The following RSPH3 variants were observed in gnomAD, a reference collection of about 807,000 sequenced individuals.
RSPH3 encodes radial spoke head protein 3 homolog.
RSPH3 carries 21 observed loss-of-function variants against 43.8 expected under a neutral mutation model. The observed-to-expected ratio is 0.48, with a 90% CI of 0.34 to 0.69. The LOEUF (loss-of-function observed/expected upper bound fraction) is 0.69, where lower values mean the gene tolerates loss of function less well. Among genes scored for constraint, RSPH3 ranks in the 30% least tolerant of loss-of-function variants. The probability of loss-of-function intolerance (pLI) is 0.01; values close to 1 mark genes in which losing one functional copy is unlikely to be tolerated. For synonymous variants in RSPH3, 173 were observed against 179.8 expected (o/e 0.96, Z 0.30); for missense variants, 487 against 516.0 (o/e 0.94, Z 0.54).
intron 2 of RSPH3, among the ~76,000 whole-genome samples, 183 bp downstream of exon 2, chr6:158,993,655 GC>G (rs928789342): frequency 6.6e-6 from 1 of 151,834 alleles, no homozygotes; most frequent in African/African-American, 2.4e-5. Flanking sequence ...TCATCCCCCA[GC>G]TCCTGGAAAC....
chr6:158,998,081 G>A (rs545938884), intron 1 of RSPH3, among the ~76,000 whole-genome samples: 1 of 151,984 alleles, frequency 6.6e-6, no homozygotes, highest in Admixed American at 6.5e-5. Flanking sequence ...TTCCTATAAA[G>A]TTCTGCTGAA....
At chr6:158,967,080 C>T in the RSPH3 span, among the ~76,000 whole-genome samples, 2 of 151,734 alleles carry the variant, frequency 1.3e-5, no homozygotes, top group African/African-American at 4.8e-5. Context: ...TATGATCATG[C>T]ATCACTGTAG....
At chr6:158,965,960 A>C in the RSPH3 span, among the ~76,000 whole-genome samples, 1 of 152,148 alleles carries the variant, frequency 6.6e-6, no homozygotes. Flanking sequence ...TTTTAATATG[A>C]AAGTGTGTTG....
At chr6:158,988,468 C>A (rs1466134447) in intron 2 of RSPH3, among the ~76,000 whole-genome samples, 2 of 152,202 alleles carry the variant, frequency 1.3e-5, no homozygotes, top group Non-Finnish European at 2.9e-5. Context: ...TTAAAACAAG[C>A]TTCCCACTCC....
chr6:158,992,151 A>G (rs1778431981), intron 2 of RSPH3, among the ~76,000 whole-genome samples: 3 of 147,572 alleles, frequency 2.0e-5, no homozygotes. Context: ...CATTCTCTCT[A>G]ACGTGGATTT....
the RSPH3 span, among the ~76,000 whole-genome samples, chr6:158,963,333 TTCCTTC>T: frequency 2.2e-3 from 318 of 145,812 alleles, 4 homozygotes; most frequent in Middle Eastern, 7.0e-3. Context: ...CTTTCCTTCC[TTCCTTC>T]TCCTTCCTTC....
rs995479707 is a variant in RSPH3 at position 158,976,491 on chromosome 6, T to C, written c.*1047A>G. 10 of 152,176 alleles carry C rather than the reference T, an allele frequency of 6.6e-5. No individual in the cohort carries two copies. The highest frequency in any genetic ancestry group is 1.5e-4 in the Non-Finnish European group (10 of 68,036). 9.4% of individuals were successfully genotyped at this position (152,176 alleles called of 1,614,324 possible). A position where few individuals can be genotyped will look rare whatever the true frequency, so the allele number is the denominator to read the frequency against. On this transcript the variant is annotated 3_prime_UTR_variant, in exon 8 of 8. Coordinates refer to ENST00000367069, the MANE Select transcript of RSPH3 (RefSeq NM_031924.8). Reference sequence around the variant, plus strand: ...AAATAAAATATGTAAATAATGTTTATATTTATATAAAGAAAATCAAGCTAT... The same window carrying C: ...AAATAAAATATGTAAATAATGTTTACATTTATATAAAGAAAATCAAGCTAT...
At position 158,979,508 on chromosome 6, in the gene RSPH3, T is replaced by C. The variant is rs115502009; in HGVS notation, c.860-1162A>G. Among the ~76,000 whole-genome samples the C allele has an allele frequency of 7.4e-3, 1,134 of 152,256 alleles. 20 individuals are homozygous for C. Among genetic ancestry groups the C allele is most frequent in the African/African-American group, 0.026 (1,067 of 41,546 alleles). On this transcript the variant is annotated intron_variant, in intron 6 of 7. Transcript: ENST00000367069. ...TCAGTTTGAGGCCTAATATTTCCAC[T>C]GCCTGAGGATTTGGGAGCAAGGCAT...
Position 158,999,945 on chromosome 6 carries a change from A to G in RSPH3, c.-395T>C. The G allele has an allele frequency of 6.2e-7, 1 of 1,607,546 alleles. No homozygotes were observed. Among genetic ancestry groups the G allele is most frequent in the Non-Finnish European group, 8.5e-7 (1 of 1,176,750 alleles). On this transcript the variant is annotated 5_prime_UTR_variant, in exon 1 of 8. Transcript: ENST00000367069. ...CCTGCGCTTTGCGAGGTTCCTGGCT[A>G]GGGAGGCGGCCTTGGCTGGCTTGAC...
intron 1 of RSPH3, among the ~76,000 whole-genome samples, chr6:158,998,840 A>ATT (rs1778728238): frequency 6.6e-6 from 1 of 152,126 alleles, no homozygotes. Context: ...ATTGCAGTCC[A>ATT]GCCTGGGCGA....
intron 3 of RSPH3, 113 bp downstream of exon 3, chr6:158,986,167 A>G: frequency 1.0e-6 from 1 of 967,198 alleles, no homozygotes; most frequent in Non-Finnish European, 1.6e-6. Context: ...TGATCGGGGA[A>G]GTATCAGAGA....
chr6:158,999,906 C>G lies in RSPH3; in HGVS notation c.-356G>C, dbSNP rs143832203. On this transcript the variant is annotated 5_prime_UTR_variant, in exon 1 of 8. Coordinates refer to ENST00000367069, the MANE Select transcript of RSPH3 (RefSeq NM_031924.8). ...CTCTTGACTCCGCCCAGCCGCGCCA[C>G]CCAGGTAGGTGCGCCTGCGCTTTGC... is the stretch of plus-strand genomic sequence containing the variant. 1.4e-5 allele frequency: 23 copies of G among 1,612,882 alleles called. No individual in the cohort carries two copies. Among genetic ancestry groups the G allele is most frequent in the Non-Finnish European group, 1.9e-5 (23 of 1,179,702 alleles).
At chr6:158,967,378 T>C in the RSPH3 span, among the ~76,000 whole-genome samples, 1 of 152,230 alleles carries the variant, frequency 6.6e-6, no homozygotes, top group East Asian at 1.9e-4. Flanking sequence ...TAGGGGTATA[T>C]TGTTTAATTT....
chr6:158,999,741 T>C lies in RSPH3; in HGVS notation c.-191A>G. ...GCAGGAGGTGGGAGCTATACTGGGC[T>C]CGCTCCCAGCACCACAGAGACCAGC... On this transcript the variant is annotated 5_prime_UTR_variant, in exon 1 of 8. Transcript: ENST00000367069. 1.2e-6 allele frequency: 2 copies of C among 1,611,600 alleles called. No homozygotes were observed. The highest frequency in any genetic ancestry group is 2.2e-5 in the South Asian group (2 of 90,874).
the RSPH3 span, among the ~76,000 whole-genome samples, chr6:158,967,683 A>G: frequency 6.6e-6 from 1 of 152,074 alleles, no homozygotes; most frequent in African/African-American, 2.4e-5. Context: ...GGGGTTTTGA[A>G]ATATCTATTG....
chr6:158,971,449 C>T (rs1203869777), downstream of RSPH3, among the ~76,000 whole-genome samples: 3 of 152,140 alleles, frequency 2.0e-5, no homozygotes, highest in East Asian at 1.9e-4. Context: ...TTTGTCCATA[C>T]ACATTAATTT....
intron 6 of RSPH3, among the ~76,000 whole-genome samples, chr6:158,978,806 T>C (rs1022359339): frequency 1.1e-4 from 16 of 152,226 alleles, no homozygotes; most frequent in African/African-American, 3.9e-4. Context: ...CCCAAAGTTC[T>C]AGGATTACAG....
chr6:158,977,337 T>A lies in RSPH3; in HGVS notation c.*201A>T. ...TTAGAATTACAATATAGCCTTTGAA[T>A]ATTCTATTAAATAAATGAATTCAAT... On this transcript the variant is annotated 3_prime_UTR_variant, in exon 8 of 8. Coordinates refer to ENST00000367069, the MANE Select transcript of RSPH3 (RefSeq NM_031924.8). The A allele has an allele frequency of 1.9e-6, 1 of 529,506 alleles. No individual in the cohort carries two copies. Among genetic ancestry groups the A allele is most frequent in the East Asian group, 3.0e-5 (1 of 33,184 alleles). The allele number at this position is 529,506 out of a possible 1,614,324, so 32.8% of individuals were successfully genotyped here.
intron 1 of RSPH3, among the ~76,000 whole-genome samples, chr6:158,996,592 T>C (rs1778605302): frequency 6.6e-6 from 1 of 152,208 alleles, no homozygotes; most frequent in Non-Finnish European, 1.5e-5. Flanking sequence ...CCAATCAAGA[T>C]AATTTAGAAC....
Sources: gnomAD v4.1 joint callset for allele counts (sites outside exome capture counted in the v4.1 genomes callset) on GRCh38, gnomAD v4.1.1 for gene constraint, MANE v1.5 for transcripts, NCBI Gene and HGNC (gene_info 2026-07-23, HGNC 2026-07-21) for gene names.